Variants in TRPC4AP observed in about 807,000 individuals in gnomAD.
TRPC4AP encodes transient receptor potential cation channel subfamily C member 4 associated protein, also known as short transient receptor potential channel 4-associated protein.
TRPC4AP carries 45 observed loss-of-function variants against 99.0 expected under a neutral mutation model. The observed-to-expected ratio is 0.45, with a 90% CI of 0.36 to 0.58. The LOEUF (loss-of-function observed/expected upper bound fraction) is 0.58. Ranked by LOEUF, TRPC4AP falls within the 20% of genes least tolerant of loss-of-function variation. The pLI is 0.00. For synonymous variants in TRPC4AP, 408 were observed against 385.8 expected, an observed-to-expected ratio of 1.06 and a Z score of -0.67; for missense variants, 879 against 985.3, an observed-to-expected ratio of 0.89 and a Z score of 1.44.
chr20:35,037,846 C>T (rs1036095038), intron 7 of TRPC4AP, among the ~76,000 whole-genome samples: 1 of 151,982 alleles, frequency 6.6e-6, no homozygotes, highest in Admixed American at 6.6e-5. Flanking sequence ...GTATTTAGTA[C>T]AGAAACATGC....
At chr20:35,007,529 A>G in intron 14 of TRPC4AP, 21 bp downstream of exon 14, 1 of 1,613,210 alleles carries the variant, frequency 6.2e-7, no homozygotes, top group South Asian at 1.1e-5. Flanking sequence ...AACCCAAGAC[A>G]CTGGCTGCTC....
At position 35,003,094 on chromosome 20, in the gene TRPC4AP, TACCCACGCTC is replaced by T; in HGVS notation, c.*42_*51del. 2 of 1,608,046 alleles carry T rather than the reference TACCCACGCTC, an allele frequency of 1.2e-6. No homozygotes were observed. Among genetic ancestry groups the T allele is most frequent in the African/African-American group, 2.7e-5 (2 of 74,968 alleles). ...GAACAGGGCAGGGCGTGTGGCATCGTACCCACGCTCACCCACACTGGCCCAGCAGCCTCCC... is the reference window on the plus strand; with the variant it reads ...GAACAGGGCAGGGCGTGTGGCATCGTACCCACACTGGCCCAGCAGCCTCCC... On this transcript the variant is annotated 3_prime_UTR_variant, in exon 19 of 19. Transcript: ENST00000252015.
intron 1 of TRPC4AP, among the ~76,000 whole-genome samples, chr20:35,084,973 C>T (rs897287355): frequency 2.6e-5 from 4 of 151,944 alleles, no homozygotes; most frequent in South Asian, 2.1e-4. Flanking sequence ...CTAGTGGAGA[C>T]GAGTAAGAAG....
intron 5 of TRPC4AP, 60 bp downstream of exon 5, chr20:35,054,916 C>G: frequency 3.5e-6 from 5 of 1,438,162 alleles, no homozygotes; most frequent in Non-Finnish European, 4.9e-6. Context: ...ATATTCCCAT[C>G]TTAAACATTG....
chr20:35,092,609 C>A lies in TRPC4AP; in HGVS notation c.168+5G>T. On this transcript the variant is annotated splice_donor_5th_base_variant and intron_variant, in intron 1 of 18. Transcript: ENST00000252015. ...CGCCCCGCCCCTCCTGGTCCAGCCTCGTACCTGCACCGCCCGGACCAGGCC... is the reference window on the plus strand; with the variant it reads ...CGCCCCGCCCCTCCTGGTCCAGCCTAGTACCTGCACCGCCCGGACCAGGCC... 1 of 1,501,124 alleles carries A rather than the reference C, an allele frequency of 6.7e-7. No individual in the cohort carries two copies. Among genetic ancestry groups the A allele is most frequent in the Non-Finnish European group, 8.8e-7 (1 of 1,133,184 alleles). 93.0% of individuals were successfully genotyped at this position (1,501,124 alleles called of 1,614,324 possible).
At chr20:35,060,817 C>A (rs986350643) in intron 3 of TRPC4AP, among the ~76,000 whole-genome samples, 4 of 151,728 alleles carry the variant, frequency 2.6e-5, no homozygotes, top group Non-Finnish European at 5.9e-5. Context: ...AAACAATCAA[C>A]AAGGAATAGA....
rs1412520093 is a variant in TRPC4AP, at chr20:35,028,035, C to T, written c.1052-6679G>A. Among the ~76,000 whole-genome samples the T allele has an allele frequency of 2.6e-5, 4 of 152,188 alleles. No individual in the cohort carries two copies. In the East Asian group the frequency reaches 5.8e-4, roughly 22 times the overall value. On this transcript the variant is annotated intron_variant, in intron 8 of 18. Transcript: ENST00000252015. ...AGTTTTCACTCTAATCCTATTACTT[C>T]CTTTTCCTTTTGAGATGTTTGTTCT...
At chr20:35,080,925 T>G (rs183517262) in intron 1 of TRPC4AP, among the ~76,000 whole-genome samples, 25 of 152,144 alleles carry the variant, frequency 1.6e-4, no homozygotes, top group African/African-American at 4.3e-4. Context: ...AATAAATAAA[T>G]GAACATAAGT....
chr20:35,029,138 C>G (rs571657106), intron 8 of TRPC4AP, among the ~76,000 whole-genome samples: 1 of 152,268 alleles, frequency 6.6e-6, no homozygotes, highest in Non-Finnish European at 1.5e-5. Flanking sequence ...GTAATCCCAA[C>G]TACTTGGGAG....
chr20:35,086,521 ATATATGTGTGTGTGTGTGTGTG>A (rs1569157886), intron 1 of TRPC4AP, among the ~76,000 whole-genome samples: 8 of 61,842 alleles, frequency 1.3e-4, no homozygotes, highest in African/African-American at 5.5e-4. Flanking sequence ...GTGTGTGTGT[ATATATGTGTGTGTGTGTGTGTG>A]TGTGTGTGTG....
intron 2 of TRPC4AP, among the ~76,000 whole-genome samples, chr20:35,075,782 T>C (rs1400485251): frequency 2.0e-5 from 3 of 152,334 alleles, no homozygotes; most frequent in Admixed American, 6.5e-5. Context: ...TTCTCTGTAT[T>C]TCCTGAATTT....
At chr20:35,012,097 GCA>G (rs1208331030) in intron 11 of TRPC4AP, among the ~76,000 whole-genome samples, 1 of 152,194 alleles carries the variant, frequency 6.6e-6, no homozygotes, top group Non-Finnish European at 1.5e-5. Flanking sequence ...AGGGAAAACA[GCA>G]CAGTTCCATA....
At chr20:35,071,963 T>G (rs1352930531) in intron 2 of TRPC4AP, among the ~76,000 whole-genome samples, 3 of 152,236 alleles carry the variant, frequency 2.0e-5, no homozygotes, top group African/African-American at 7.2e-5. Flanking sequence ...CCTGACTTTT[T>G]AATAATCGCC....
intron 7 of TRPC4AP, among the ~76,000 whole-genome samples, chr20:35,044,274 C>G (rs1202389423): frequency 6.6e-6 from 1 of 151,430 alleles, no homozygotes; most frequent in Non-Finnish European, 1.5e-5. Context: ...GCCTATAGTT[C>G]CAGCTACTCA....
Position 35,071,985 on chromosome 20 carries a change from T to C in TRPC4AP, c.298-2573A>G, listed in dbSNP as rs180862290. Among the ~76,000 whole-genome samples, 75 of 152,300 alleles carry C rather than the reference T, an allele frequency of 4.9e-4. 1 individual carries two copies. The East Asian group carries it at 0.014, about 29-fold the overall frequency. ...TTTTAATAATCGCCATTCTAACTAG[T>C]GTGAGATGGTATCTCATTGTGGTTT... On this transcript the variant is annotated intron_variant, in intron 2 of 18. Transcript: ENST00000252015.
chr20:35,080,357 C>T (rs1036066587), intron 1 of TRPC4AP, among the ~76,000 whole-genome samples: 1 of 151,606 alleles, frequency 6.6e-6, no homozygotes, highest in Non-Finnish European at 1.5e-5. Context: ...AAAAATTAGC[C>T]GGATGTAGTG....
intron 1 of TRPC4AP, among the ~76,000 whole-genome samples, chr20:35,086,533 G>GTATATATATATGTGTATATA (rs1308760481): frequency 2.7e-5 from 2 of 73,474 alleles, no homozygotes; most frequent in African/African-American, 1.5e-4. Context: ...ATATGTGTGT[G>GTATATATATATGTGTATATA]TGTGTGTGTG....
chr20:35,031,394 T>TG (rs1472662173), intron 8 of TRPC4AP, among the ~76,000 whole-genome samples: 1 of 90,330 alleles, frequency 1.1e-5, no homozygotes, highest in Non-Finnish European at 2.5e-5. Flanking sequence ...GGTTAACTTT[T>TG]TTTTTTTTTT....
chr20:35,050,924 G>A (rs1295380335), intron 5 of TRPC4AP, among the ~76,000 whole-genome samples: 1 of 151,974 alleles, frequency 6.6e-6, no homozygotes, highest in Non-Finnish European at 1.5e-5. Flanking sequence ...TTGAGGCCAG[G>A]AGTGTGAGGC....
Sources: gnomAD v4.1 joint callset for allele counts (sites outside exome capture counted in the v4.1 genomes callset) on GRCh38, gnomAD v4.1.1 for gene constraint, MANE v1.5 for transcripts, NCBI Gene and HGNC (gene_info 2026-07-23, HGNC 2026-07-21) for gene names.